RIMS1: variants seen among roughly 807,000 people sequenced by gnomAD.
RIMS1 encodes the protein regulating synaptic membrane exocytosis 1.
In RIMS1, 83 loss-of-function variants were observed where a neutral mutation model predicts 214.1. The ratio of observed to expected loss-of-function variants is 0.39; its 90% CI spans 0.32 to 0.47. RIMS1 has a LOEUF of 0.47. Ranked by LOEUF, RIMS1 falls within the 20% of genes least tolerant of loss-of-function variation. The pLI, the probability that RIMS1 is intolerant of heterozygous loss-of-function variation, is 0.99. For synonymous variants in RIMS1, 793 were observed against 786.8 expected (o/e 1.01, Z -0.13); for missense variants, 2,050 against 2,161.8 (o/e 0.95, Z 1.03).
At chr6:72,163,006 C>G (rs1342876466) in intron 4 of RIMS1, among the ~76,000 whole-genome samples, 8,563 of 122,844 alleles carry the variant, frequency 0.07, 999 homozygotes, top group South Asian at 0.11. Context: ...TCCATGCTCC[C>G]CGTGACTTTC....
chr6:72,212,845 A>T (rs970229148), intron 6 of RIMS1: 4 of 1,104,728 alleles, frequency 3.6e-6, no homozygotes, highest in Non-Finnish European at 3.3e-6. Flanking sequence ...CACCAGGCCC[A>T]CCGAAGCTTG....
chr6:72,276,100 C>T (rs1408012480), intron 23 of RIMS1, among the ~76,000 whole-genome samples: 1 of 152,240 alleles, frequency 6.6e-6, no homozygotes, highest in Admixed American at 6.5e-5. Flanking sequence ...GTAGTCCCAG[C>T]TACTCAGAAG....
At chr6:71,946,474 T>C (rs1787838437) in intron 1 of RIMS1, among the ~76,000 whole-genome samples, 1 of 152,132 alleles carries the variant, frequency 6.6e-6, no homozygotes. Context: ...TGGAAATAAA[T>C]TCATGCATTT....
chr6:72,393,250 G>A (rs1371498588), intron 31 of RIMS1, among the ~76,000 whole-genome samples: 1 of 144,412 alleles, frequency 6.9e-6, no homozygotes, highest in Non-Finnish European at 1.6e-5. Context: ...ACACTAAAAA[G>A]TACTGGAGAA....
intron 7 of RIMS1, among the ~76,000 whole-genome samples, chr6:72,235,063 CTTT>C (rs1326519911): frequency 5.9e-5 from 9 of 151,892 alleles, no homozygotes; most frequent in Non-Finnish European, 1.2e-4. Context: ...TTCCTATTCT[CTTT>C]TATTTTATTT....
At chr6:72,324,858 A>G (rs1317292661) in intron 28 of RIMS1, among the ~76,000 whole-genome samples, 2 of 151,874 alleles carry the variant, frequency 1.3e-5, no homozygotes, top group Non-Finnish European at 2.9e-5. Flanking sequence ...AGAGTCGAGT[A>G]GTTGCAACAG....
chr6:72,381,037 C>G (rs1013051729), intron 29 of RIMS1, among the ~76,000 whole-genome samples: 1 of 152,174 alleles, frequency 6.6e-6, no homozygotes, highest in Non-Finnish European at 1.5e-5. Context: ...TAACAAAATG[C>G]CATAGACTGG....
chr6:72,183,836 T>C, intron 6 of RIMS1, among the ~76,000 whole-genome samples: 1 of 151,702 alleles, frequency 6.6e-6, no homozygotes, highest in South Asian at 2.1e-4. Flanking sequence ...TAGTCTGTTT[T>C]ATCATTTGCT....
Position 72,400,756 on chromosome 6 carries a change from AG to A in RIMS1, c.*44del. ...TCATTCCAATAAAACTCTACTTTTCAGGATAATAATCTGAACCAGATATTTC... is the reference window on the plus strand; with the variant it reads ...TCATTCCAATAAAACTCTACTTTTCAGATAATAATCTGAACCAGATATTTC... On this transcript the variant is annotated 3_prime_UTR_variant, in exon 34 of 34. Coordinates refer to ENST00000521978, the MANE Select transcript of RIMS1 (RefSeq NM_014989.7). 1.4e-6 allele frequency: 2 copies of A among 1,436,492 alleles called. No homozygotes were observed. Among genetic ancestry groups the A allele is most frequent in the Non-Finnish European group, 1.9e-6 (2 of 1,029,724 alleles). The allele number at this position is 1,436,492 out of a possible 1,614,324, so 89.0% of individuals were successfully genotyped here. A position where few individuals can be genotyped will look rare whatever the true frequency, so the allele number is the denominator to read the frequency against.
intron 1 of RIMS1, among the ~76,000 whole-genome samples, chr6:71,913,025 T>C (rs1266456799): frequency 6.6e-6 from 1 of 152,174 alleles, no homozygotes; most frequent in African/African-American, 2.4e-5. Flanking sequence ...GTTTGAACTT[T>C]TTAAGGCAAA....
chr6:71,892,411 A>G (rs1770195862), intron 1 of RIMS1, among the ~76,000 whole-genome samples: 1 of 152,120 alleles, frequency 6.6e-6, no homozygotes, highest in Non-Finnish European at 1.5e-5. Context: ...ATGACATTTG[A>G]TTCTGGAGTC....
At chr6:72,082,836 G>A (rs1183465407) in intron 2 of RIMS1, among the ~76,000 whole-genome samples, 1 of 152,102 alleles carries the variant, frequency 6.6e-6, no homozygotes, top group Non-Finnish European at 1.5e-5. Flanking sequence ...TTTGTCCAGG[G>A]AGATGAAGCC....
chr6:72,213,527 C>T (rs1466542353), intron 6 of RIMS1, among the ~76,000 whole-genome samples: 2 of 151,496 alleles, frequency 1.3e-5, no homozygotes, highest in Non-Finnish European at 2.9e-5. Flanking sequence ...AATCAATGTT[C>T]TGTGAAAATA....
chr6:71,986,517 A>G (rs1019841156), intron 2 of RIMS1, among the ~76,000 whole-genome samples: 5 of 152,212 alleles, frequency 3.3e-5, no homozygotes, highest in African/African-American at 9.6e-5. Context: ...ATGGATTATA[A>G]ATAAGAATCT....
chr6:72,182,324 G>A lies in RIMS1; in HGVS notation c.853G>A (p.Ala285Thr). ...PGLSEQNGKG[A>T]LKSERKRVPK... ...GCTTTCCGAGCAGAATGGCAAAGGA[G>A]CCCTGAAGAGCGAGCGGAAACGCGT... The change falls in exon 6 of 34, where the codon GCC becomes ACC. Residue 285 changes from alanine to threonine, a missense_variant. Ala to Thr is a moderately conservative substitution (Grantham distance 58, BLOSUM62 0). Around this residue, in one of 6 missense-constraint regions of RIMS1, gnomAD observed 882 missense variants for 828.9 expected, o/e 1.06. Transcript: ENST00000521978. The A allele has an allele frequency of 2.5e-6, 4 of 1,610,478 alleles. No homozygotes were observed. The highest frequency in any genetic ancestry group is 3.4e-6 in the Non-Finnish European group (4 of 1,178,140).
rs1292315608 is a variant in RIMS1 at position 72,401,995 on chromosome 6, C to A, written c.*1281C>A. On this transcript the variant is annotated 3_prime_UTR_variant, in exon 34 of 34. Transcript: ENST00000521978. Reference sequence around the variant, plus strand: ...TGCATTTTCATTTAGTTTCTCTTGGCCTTGAATTTCCCTTGTGACATTCTG... The same window carrying A: ...TGCATTTTCATTTAGTTTCTCTTGGACTTGAATTTCCCTTGTGACATTCTG... 2 of 152,396 alleles carry A rather than the reference C, an allele frequency of 1.3e-5. No individual in the cohort carries two copies. The highest frequency in any genetic ancestry group is 2.9e-5 in the Non-Finnish European group (2 of 68,018). The allele number at this position is 152,396 out of a possible 1,614,324, so 9.4% of individuals were successfully genotyped here.
intron 29 of RIMS1, among the ~76,000 whole-genome samples, chr6:72,379,785 GCAGGCA>G (rs2098454746): frequency 6.6e-6 from 1 of 152,146 alleles, no homozygotes; most frequent in South Asian, 2.1e-4. Flanking sequence ...TAGGCTGCCT[GCAGGCA>G]CAGAACTAGT....
At chr6:71,893,611 T>C (rs1770655454) in intron 1 of RIMS1, among the ~76,000 whole-genome samples, 1 of 152,238 alleles carries the variant, frequency 6.6e-6, no homozygotes. Context: ...TTGAGTGATG[T>C]AATAAATTGC....
intron 2 of RIMS1, among the ~76,000 whole-genome samples, chr6:71,992,676 T>A (rs1802217813): frequency 6.6e-6 from 1 of 151,592 alleles, no homozygotes; most frequent in African/African-American, 2.4e-5. Flanking sequence ...TTTTTGAGGC[T>A]CAGTTTTACT....
Sources: allele counts gnomAD v4.1 joint callset (sites outside exome capture counted in the v4.1 genomes callset), GRCh38; gene constraint gnomAD v4.1.1; regional missense constraint gnomAD v4.1.1; transcripts MANE v1.5; gene names NCBI Gene and HGNC (gene_info 2026-07-23, HGNC 2026-07-21).